NID1: variants seen among roughly 807,000 people sequenced by gnomAD.
NID1 encodes the protein nidogen 1, also known as nidogen-1.
NID1 carries 76 observed loss-of-function variants against 130.6 expected under a neutral mutation model. The ratio of observed to expected loss-of-function variants is 0.58; its 90% confidence interval spans 0.48 to 0.70. The LOEUF (loss-of-function observed/expected upper bound fraction) is 0.70. NID1 is among the 30% of genes least tolerant of loss of function. The probability of loss-of-function intolerance (pLI) is 0.00; values close to 1 mark genes in which losing one functional copy is unlikely to be tolerated. For missense variants in NID1, 1,517 were observed against 1,664.8 expected, an observed-to-expected ratio of 0.91 and a Z score of 1.54; for synonymous variants, 665 against 675.1, an observed-to-expected ratio of 0.98 and a Z score of 0.23.
chr1:235,988,533 T>G (rs886530219), intron 14 of NID1, among the ~76,000 whole-genome samples: 2 of 152,182 alleles, frequency 1.3e-5, no homozygotes, highest in Non-Finnish European at 2.9e-5. Context: ...TTGGTATATG[T>G]ATCGAAAAGA....
At chr1:236,050,683 A>G (rs1357023469) in intron 1 of NID1, among the ~76,000 whole-genome samples, 3 of 152,220 alleles carry the variant, frequency 2.0e-5, no homozygotes, top group African/African-American at 4.8e-5. Flanking sequence ...TCACCAGTGA[A>G]GTCTAACACC....
intron 12 of NID1, among the ~76,000 whole-genome samples, chr1:235,996,232 A>G (rs1420341248): frequency 6.6e-6 from 1 of 152,176 alleles, no homozygotes; most frequent in African/African-American, 2.4e-5. Context: ...GGAATAACCC[A>G]TAGCACCTGC....
At chr1:235,997,944 C>G (rs559218620) in intron 12 of NID1, among the ~76,000 whole-genome samples, 1 of 152,172 alleles carries the variant, frequency 6.6e-6, no homozygotes, top group Middle Eastern at 3.4e-3. Flanking sequence ...TTGTACATGT[C>G]AATGATACAG....
At chr1:235,981,971 T>C (rs1006200959) in intron 15 of NID1, among the ~76,000 whole-genome samples, 189 bp from the exon 16 acceptor site, 4 of 152,218 alleles carry the variant, frequency 2.6e-5, no homozygotes, top group African/African-American at 9.6e-5. Context: ...AAAAATGCCA[T>C]TTACTCACTC....
chr1:235,981,331 C>T (rs1194198052), intron 16 of NID1, among the ~76,000 whole-genome samples: 1 of 152,162 alleles, frequency 6.6e-6, no homozygotes, highest in Non-Finnish European at 1.5e-5. Flanking sequence ...TGTTGATCCA[C>T]ATTGAAGCCA....
chr1:236,005,655 G>A (rs1658226774), intron 12 of NID1, among the ~76,000 whole-genome samples: 1 of 152,070 alleles, frequency 6.6e-6, no homozygotes, highest in African/African-American at 2.4e-5. Context: ...ACTGTTTGAT[G>A]TAGTAGATAT....
chr1:236,032,802 T>C (rs1483044735), intron 5 of NID1, 150 bp from the exon 6 acceptor site: 2 of 1,044,260 alleles, frequency 1.9e-6, no homozygotes, highest in Non-Finnish European at 1.3e-6. Flanking sequence ...CAAAAGCAGC[T>C]GTTCTTCCTG....
chr1:236,043,747 A>G (rs1398369194), intron 3 of NID1, among the ~76,000 whole-genome samples: 3 of 152,088 alleles, frequency 2.0e-5, no homozygotes, highest in Admixed American at 6.6e-5. Context: ...GCAGTGAGCC[A>G]AGATCGTGCC....
At chr1:236,063,909 T>C (rs982642159) in intron 1 of NID1, among the ~76,000 whole-genome samples, 4 of 152,206 alleles carry the variant, frequency 2.6e-5, no homozygotes, top group African/African-American at 9.7e-5. Context: ...CTTGAAGGGC[T>C]CATTCGTTTT....
In NID1 at chr1:235,991,021, A is replaced by G; in HGVS notation, c.2793T>C (p.Pro931=). 1.2e-6 allele frequency: 2 copies of G among 1,610,232 alleles called. No homozygotes were observed. The highest frequency in any genetic ancestry group is 1.7e-6 in the Non-Finnish European group (2 of 1,178,184). The part of the protein sequence containing the change: ...STVAPPIHQG[P]AVPTAVIPLP... ...AGGGGATCACGGCGGTAGGCACCGC[A>G]GGTCCTTGGTGAATCGGGGGAGCCA... Residue 931 remains proline, a synonymous_variant, in exon 14 of 20, where the codon CCT becomes CCC. Transcript: ENST00000264187.
chr1:236,011,047 A>C (rs1032436385), intron 12 of NID1, among the ~76,000 whole-genome samples: 1 of 152,132 alleles, frequency 6.6e-6, no homozygotes, highest in Non-Finnish European at 1.5e-5. Context: ...AAAAAAGTGT[A>C]CCTGCACCAC....
In NID1 at chr1:235,993,819, C is replaced by T. The variant is rs775674462; in HGVS notation, c.2581G>A (p.Gly861Arg). The change falls in exon 13 of 20, where the codon GGG becomes AGG. Residue 861 changes from glycine (G) to arginine (R), a missense_variant. Physicochemically the swap from Gly to Arg is moderately radical, Grantham distance 125 (BLOSUM62 -2). Transcript: ENST00000264187. ...ATGGGTCGCTGTGGGTCTGTCGCCC[C>T]CGCTGCCCCGAGAATGTGTTCTCGC... ...HEREHILGAAGATDPQRPIPP... is the reference protein window; with the variant it reads ...HEREHILGAARATDPQRPIPP... 32 of 1,614,020 alleles carry T rather than the reference C, an allele frequency of 2.0e-5. 1 individual carries two copies.
rs1336707886 is a variant in NID1, at chr1:236,065,088, A to G, written c.-9T>C. On this transcript the variant is annotated 5_prime_UTR_variant, in exon 1 of 20. Coordinates refer to ENST00000264187, the MANE Select transcript of NID1 (RefSeq NM_002508.3). This position sits in a 1 kb window ranked among gnomAD's most constrained non-coding sequence, Gnocchi z 4.1. ...CTGCTCGAGGCCAACATGTTCCCGA[A>G]CTGCGGTCCCGCAAACCCGGTCCCG... The G allele has an allele frequency of 6.5e-6, 10 of 1,548,992 alleles. No individual in the cohort carries two copies. In the South Asian group the frequency reaches 1.2e-4, roughly 18 times the overall value.
chr1:236,014,949 AAG>A (rs1438645011), intron 10 of NID1, among the ~76,000 whole-genome samples: 13 of 152,240 alleles, frequency 8.5e-5, no homozygotes, highest in African/African-American at 3.1e-4. Context: ...CCCAGTGGAA[AAG>A]AGAGTTATGA....
At chr1:235,997,538 T>C (rs7547895) in intron 12 of NID1, among the ~76,000 whole-genome samples, 2,609 of 151,726 alleles carry the variant, frequency 0.017, 34 homozygotes, top group Middle Eastern at 0.024. Context: ...TCACATAGAC[T>C]AGAATATTAT....
chr1:236,020,036 TAA>T lies in NID1; in HGVS notation c.2129-2765_2129-2764del, dbSNP rs57925295. 8.1e-3 allele frequency among the ~76,000 whole-genome samples: 719 copies of T among 88,342 alleles called. 7 individuals are homozygous for T. Among genetic ancestry groups the T allele is most frequent in the Middle Eastern group, 0.033 (6 of 184 alleles). 58.0% of individuals were successfully genotyped at this position (88,342 alleles called of 152,430 possible). On this transcript the variant is annotated intron_variant, in intron 9 of 19. Coordinates refer to ENST00000264187, the MANE Select transcript of NID1 (RefSeq NM_002508.3). ...TGGGCGACAGAGCAAGACTCTGCCTTAAAAAAAAAAAAAAAAAAAAAACAAAA... is the reference window on the plus strand; with the variant it reads ...TGGGCGACAGAGCAAGACTCTGCCTTAAAAAAAAAAAAAAAAAAAACAAAA...
intron 12 of NID1, among the ~76,000 whole-genome samples, chr1:235,996,356 C>T (rs1008914445): frequency 6.6e-6 from 1 of 152,128 alleles, no homozygotes; most frequent in East Asian, 1.9e-4. Flanking sequence ...AGACCGTCCA[C>T]AAGGCATGGA....
chr1:236,001,708 G>T (rs1037984936), intron 12 of NID1, among the ~76,000 whole-genome samples: 20 of 152,200 alleles, frequency 1.3e-4, no homozygotes, highest in African/African-American at 4.8e-4. Context: ...AATGGCCAGG[G>T]AGGGGCACTG....
intron 1 of NID1, among the ~76,000 whole-genome samples, chr1:236,054,490 T>C (rs1363589652): frequency 6.6e-6 from 1 of 152,080 alleles, no homozygotes; most frequent in Non-Finnish European, 1.5e-5. Context: ...ATCTACCAAA[T>C]GTAATGTGTG....
Sources: allele counts gnomAD v4.1 joint callset (sites outside exome capture counted in the v4.1 genomes callset), GRCh38; gene constraint gnomAD v4.1.1; non-coding constraint Gnocchi (gnomAD v3.1); transcripts MANE v1.5; gene names NCBI Gene and HGNC (gene_info 2026-07-23, HGNC 2026-07-21).